The following MYPN variants were observed in gnomAD, a reference collection of about 807,000 sequenced individuals.
The protein encoded by MYPN is myopalladin.
MYPN carries 63 observed loss-of-function variants against 129.4 expected under a neutral mutation model. The observed-to-expected ratio is 0.49, with a 90% CI of 0.40 to 0.60. MYPN has a LOEUF of 0.60. Ranked by LOEUF, MYPN falls within the 20% of genes least tolerant of loss-of-function variation. The pLI, the probability that MYPN is intolerant of heterozygous loss-of-function variation, is 0.00. For missense variants in MYPN, 1,596 were observed against 1,635.4 expected (o/e 0.98, Z 0.42); for synonymous variants, 629 against 600.9 (o/e 1.05, Z -0.68).
chr10:68,144,637 G>A (rs12355031), intron 3 of MYPN, among the ~76,000 whole-genome samples: 2,210 of 152,074 alleles, frequency 0.015, 20 homozygotes, highest in Non-Finnish European at 0.023. Context: ...AGATTGGATT[G>A]CTGGGTTTTT....
At chr10:68,176,612 G>T (rs1489179099) in intron 12 of MYPN, among the ~76,000 whole-genome samples, 5 of 152,104 alleles carry the variant, frequency 3.3e-5, no homozygotes, top group Non-Finnish European at 7.4e-5. Flanking sequence ...TTGAAAATGT[G>T]CTTCTTAAAA....
chr10:68,089,686 G>A (rs1174544174), intron 1 of MYPN, among the ~76,000 whole-genome samples: 1 of 152,122 alleles, frequency 6.6e-6, no homozygotes, highest in Non-Finnish European at 1.5e-5. Context: ...TGTGCGAGAA[G>A]AGAGAAGAGA....
Position 68,174,441 on chromosome 10 carries a change from G to A in MYPN, c.2349G>A (p.Glu783=). The A allele has an allele frequency of 6.2e-7, 1 of 1,614,038 alleles. No individual in the cohort carries two copies. The highest frequency in any genetic ancestry group is 8.5e-7 in the Non-Finnish European group (1 of 1,180,014). ...CAGGAGGGCTTTCCATCCAAAATGAGCCACTCCCACCAGGCCCAACAGAAC... is the reference window on the plus strand; with the variant it reads ...CAGGAGGGCTTTCCATCCAAAATGAACCACTCCCACCAGGCCCAACAGAAC... ...KSPGGLSIQN[E]PLPPGPTEPT... The change falls in exon 11 of 20, where the codon GAG becomes GAA. Residue 783 remains glutamate, a synonymous_variant. Transcript: ENST00000358913.
intron 2 of MYPN, among the ~76,000 whole-genome samples, chr10:68,129,021 C>T (rs979837076): frequency 1.3e-5 from 2 of 151,342 alleles, no homozygotes; most frequent in African/African-American, 4.9e-5. Context: ...TTTTAATGTG[C>T]CTTAAACTAG....
chr10:68,120,490 C>T (rs1224956959), intron 1 of MYPN, among the ~76,000 whole-genome samples: 1 of 152,138 alleles, frequency 6.6e-6, no homozygotes, highest in Non-Finnish European at 1.5e-5. Context: ...AAAACCTAGG[C>T]TCTAACTCAT....
rs1010889936 is a variant in MYPN at position 68,121,576 on chromosome 10, T to C, written c.138T>C (p.Ser46=). The C allele has an allele frequency of 6.2e-7, 1 of 1,614,224 alleles. No homozygotes were observed. Among genetic ancestry groups the C allele is most frequent in the Non-Finnish European group, 8.5e-7 (1 of 1,180,046 alleles). ...CCTCCAACCCTTGCCATTTCGGCAG[T>C]CCTTCTGGGGCCGCTGAAGGAGGCG... ...EPSSNPCHFG[S]PSGAAEGGGG... is the part of the protein sequence containing the mutation. Residue 46 remains serine (S), a synonymous_variant, in exon 2 of 20, where the codon AGT becomes AGC. Transcript: ENST00000358913.
At chr10:68,104,263 A>C (rs1456853800), upstream of MYPN, among the ~76,000 whole-genome samples, 2 of 152,220 alleles carry the variant, frequency 1.3e-5, no homozygotes, top group African/African-American at 2.4e-5. Flanking sequence ...ATGTCCAAGC[A>C]GACCAAAAAT....
intron 9 of MYPN, 42 bp downstream of exon 9, chr10:68,165,860 T>C: frequency 6.8e-7 from 1 of 1,472,440 alleles, no homozygotes; most frequent in Non-Finnish European, 9.5e-7. Flanking sequence ...CCTATGACTT[T>C]GAGTGTGAAT....
At chr10:68,210,229 CGT>C in intron 19 of MYPN, 55 bp from the exon 20 acceptor site, 1 of 1,589,570 alleles carries the variant, frequency 6.3e-7, no homozygotes, top group Non-Finnish European at 8.6e-7. Flanking sequence ...ACCTCTGCAG[CGT>C]ACATGCTGGA....
At chr10:68,142,124 A>C (rs1469610924) in intron 2 of MYPN, among the ~76,000 whole-genome samples, 1 of 152,232 alleles carries the variant, frequency 6.6e-6, no homozygotes, top group East Asian at 1.9e-4. Context: ...TAATTCTGGC[A>C]GTACTGGCAG....
At chr10:68,151,353 C>T (rs1170823620) in intron 6 of MYPN, among the ~76,000 whole-genome samples, 2 of 152,168 alleles carry the variant, frequency 1.3e-5, no homozygotes, top group African/African-American at 2.4e-5. Context: ...TTATGTGAAA[C>T]AAGATGCCTC....
chr10:68,110,327 A>G (rs2042065252), intron 1 of MYPN, among the ~76,000 whole-genome samples: 1 of 152,074 alleles, frequency 6.6e-6, no homozygotes, highest in Non-Finnish European at 1.5e-5. Flanking sequence ...CTTGACAGTC[A>G]GTGGCAAATG....
chr10:68,113,196 A>C (rs1462196404), intron 1 of MYPN, among the ~76,000 whole-genome samples: 1 of 152,236 alleles, frequency 6.6e-6, no homozygotes, highest in Non-Finnish European at 1.5e-5. Flanking sequence ...GACCTATGAA[A>C]TGAGTAGGGT....
intron 8 of MYPN, 117 bp from the exon 9 acceptor site, chr10:68,165,585 A>G: frequency 1.2e-6 from 1 of 832,342 alleles, no homozygotes; most frequent in East Asian, 2.5e-5. Flanking sequence ...GTTTTCAAAG[A>G]ATTAATATAG....
chr10:68,168,692 G>C (rs1035198904), intron 10 of MYPN, among the ~76,000 whole-genome samples: 1 of 152,132 alleles, frequency 6.6e-6, no homozygotes, highest in African/African-American at 2.4e-5. Flanking sequence ...GCTGGCAATT[G>C]AAAGAGTTAA....
chr10:68,182,655 C>T (rs1434707512), intron 12 of MYPN, among the ~76,000 whole-genome samples: 11 of 151,480 alleles, frequency 7.3e-5, no homozygotes, highest in Admixed American at 5.9e-4. Context: ...TACAGGCACT[C>T]GCCACCATGC....
chr10:68,148,269 T>A (rs1269288782), intron 4 of MYPN, 84 bp from the exon 5 acceptor site: 2 of 1,088,018 alleles, frequency 1.8e-6, no homozygotes, highest in African/African-American at 1.6e-5. Flanking sequence ...CTGTAAGCAG[T>A]GATGCCATTA....
chr10:68,196,223 A>G (rs2043601842), intron 15 of MYPN, among the ~76,000 whole-genome samples: 2 of 152,230 alleles, frequency 1.3e-5, no homozygotes, highest in South Asian at 2.1e-4. Flanking sequence ...GAAACCTTTA[A>G]TGATTGAATG....
chr10:68,187,972 T>C (rs1451356369), intron 12 of MYPN, among the ~76,000 whole-genome samples: 1 of 152,156 alleles, frequency 6.6e-6, no homozygotes, highest in Non-Finnish European at 1.5e-5. Context: ...ACAAGACTAA[T>C]TGAAGTAGGT....
Sources: gnomAD v4.1 joint callset for allele counts (sites outside exome capture counted in the v4.1 genomes callset) on GRCh38, gnomAD v4.1.1 for gene constraint, MANE v1.5 for transcripts, NCBI Gene and HGNC (gene_info 2026-07-23, HGNC 2026-07-21) for gene names.